LRRC7: variants seen among roughly 807,000 people sequenced by gnomAD.
LRRC7 encodes the protein leucine rich repeat containing 7, also known as leucine-rich repeat-containing protein 7.
LRRC7 carries 23 observed loss-of-function variants against 175.7 expected under a neutral mutation model. The ratio of observed to expected loss-of-function variants is 0.13; its 90% CI spans 0.09 to 0.19. The LOEUF (loss-of-function observed/expected upper bound fraction) is 0.19. Ranked by LOEUF, LRRC7 falls within the 10% of genes least tolerant of loss-of-function variation. The probability of loss-of-function intolerance (pLI) is 1.00; values close to 1 mark genes in which losing one functional copy is unlikely to be tolerated. For synonymous variants in LRRC7, 685 were observed against 680.9 expected, an observed-to-expected ratio of 1.01 and a Z score of -0.09; for missense variants, 1,354 against 1,904.7, an observed-to-expected ratio of 0.71 and a Z score of 5.38.
chr1:70,129,539 G>T lies in LRRC7; in HGVS notation c.*7652G>T, dbSNP rs1455142812. Among the ~76,000 whole-genome samples the T allele has an allele frequency of 6.6e-6, 1 of 152,128 alleles. No homozygotes were observed. The highest frequency in any genetic ancestry group is 2.4e-5 in the African/African-American group (1 of 41,424). On this transcript the variant is annotated 3_prime_UTR_variant, in exon 27 of 27. Coordinates refer to ENST00000651989, the MANE Select transcript of LRRC7 (RefSeq NM_001370785.2). ...TTCAACACTTTAAAAAGTGTGGGGG[G>T]GTTGCTTGAAAAGAGTCTTCTAGGT...
intron 2 of LRRC7, among the ~76,000 whole-genome samples, chr1:69,698,651 C>T (rs1387624608): frequency 6.6e-6 from 1 of 152,184 alleles, no homozygotes; most frequent in Non-Finnish European, 1.5e-5. Context: ...GTATGTATAA[C>T]TGAGAGTTTG....
chr1:69,635,122 A>T (rs949381962), intron 1 of LRRC7, among the ~76,000 whole-genome samples: 3 of 151,710 alleles, frequency 2.0e-5, no homozygotes, highest in Non-Finnish European at 4.4e-5. Flanking sequence ...GTTCCCCTCT[A>T]TGTGTCCTTG....
chr1:70,089,630 C>A (rs1272719115), intron 24 of LRRC7, 97 bp from the exon 25 acceptor site: 7 of 804,564 alleles, frequency 8.7e-6, no homozygotes, highest in East Asian at 5.7e-5. Context: ...CCTAAGAAAC[C>A]AAGTGAAATG....
intron 24 of LRRC7, among the ~76,000 whole-genome samples, chr1:70,086,107 ATTC>A (rs1276898240): frequency 1.3e-5 from 2 of 151,896 alleles, no homozygotes; most frequent in Admixed American, 6.6e-5. Context: ...TTTAGCCTTT[ATTC>A]TTATTTATTT....
chr1:69,838,893 G>A (rs114264237), intron 7 of LRRC7, among the ~76,000 whole-genome samples: 45 of 151,928 alleles, frequency 3.0e-4, no homozygotes, highest in Non-Finnish European at 5.6e-4. Flanking sequence ...GTTTCACCCA[G>A]CTTTGCCTTA....
intron 4 of LRRC7, among the ~76,000 whole-genome samples, chr1:69,812,256 G>A (rs868231487): frequency 1.3e-5 from 2 of 152,090 alleles, no homozygotes; most frequent in East Asian, 1.9e-4. Flanking sequence ...ATATCCCAAC[G>A]TAGTTTAAAT....
At chr1:69,703,846 C>A (rs1038926587) in intron 2 of LRRC7, among the ~76,000 whole-genome samples, 1 of 151,900 alleles carries the variant, frequency 6.6e-6, no homozygotes, top group Non-Finnish European at 1.5e-5. Context: ...GTAGATAGTG[C>A]AGATAATAAT....
intron 7 of LRRC7, among the ~76,000 whole-genome samples, chr1:69,924,968 C>T (rs1426569025): frequency 6.6e-5 from 10 of 152,188 alleles, no homozygotes; most frequent in South Asian, 6.2e-4. Flanking sequence ...TTTTGAGATA[C>T]ATCCCATCAA....
Position 69,568,639 on chromosome 1 carries a change from G to T in LRRC7, c.-1G>T, listed in dbSNP as rs1434153999. 9.6e-6 allele frequency: 13 copies of T among 1,352,124 alleles called. No homozygotes were observed. The highest frequency in any genetic ancestry group is 1.3e-5 in the Non-Finnish European group (13 of 1,016,038). 83.8% of individuals were successfully genotyped at this position (1,352,124 alleles called of 1,614,324 possible). A position where few individuals can be genotyped will look rare whatever the true frequency, so the allele number is the denominator to read the frequency against. The stretch of plus-strand genomic sequence containing the variant: ...CTCATGGGCAGTTTCTCCCGCCGGC[G>T]ATGTGAGTAAGGCACGCTCGCTCCG... On this transcript the variant is annotated splice_region_variant and 5_prime_UTR_variant, in exon 1 of 27. Coordinates refer to ENST00000651989, the MANE Select transcript of LRRC7 (RefSeq NM_001370785.2).
At chr1:70,032,063 C>T (rs1369731014) in intron 18 of LRRC7, among the ~76,000 whole-genome samples, 4 of 152,178 alleles carry the variant, frequency 2.6e-5, no homozygotes, top group African/African-American at 4.8e-5. Context: ...TCCCAAAGTG[C>T]TGGGATTACA....
intron 10 of LRRC7, 108 bp from the exon 11 acceptor site, chr1:69,994,453 A>G: frequency 1.2e-6 from 1 of 825,964 alleles, no homozygotes; most frequent in East Asian, 2.5e-5. Flanking sequence ...AGTTTGGCCA[A>G]TTAGCATGCC....
intron 2 of LRRC7, among the ~76,000 whole-genome samples, chr1:69,693,592 A>C (rs1401892501): frequency 6.8e-6 from 1 of 146,242 alleles, no homozygotes; most frequent in Non-Finnish European, 1.5e-5. Flanking sequence ...ACCCACTCAC[A>C]TTATGCAGGG....
chr1:70,116,546 C>T (rs1223090656), intron 26 of LRRC7, among the ~76,000 whole-genome samples: 7 of 104,888 alleles, frequency 6.7e-5, no homozygotes, highest in East Asian at 2.8e-4. Flanking sequence ...GACTCCATGT[C>T]AAAAAAAAAA....
intron 1 of LRRC7, among the ~76,000 whole-genome samples, chr1:69,663,622 C>A (rs2100542380): frequency 6.6e-6 from 1 of 151,894 alleles, no homozygotes; most frequent in Non-Finnish European, 1.5e-5. Context: ...CCTACCTCTT[C>A]CCCTACACCC....
chr1:70,090,385 T>G (rs767570715), intron 25 of LRRC7, among the ~76,000 whole-genome samples: 52 of 152,068 alleles, frequency 3.4e-4, no homozygotes, highest in Admixed American at 9.8e-4. Context: ...CCTCTCATAC[T>G]TACCCCTGCT....
chr1:69,760,144 G>T (rs1459901467), intron 2 of LRRC7, 47 bp from the exon 3 acceptor site: 2 of 1,587,066 alleles, frequency 1.3e-6, no homozygotes, highest in Non-Finnish European at 1.7e-6. Flanking sequence ...CCTTCCAAGG[G>T]CACTGGATAA....
chr1:69,974,457 A>G (rs1018858631), intron 8 of LRRC7, among the ~76,000 whole-genome samples: 19 of 152,344 alleles, frequency 1.2e-4, no homozygotes, highest in Non-Finnish European at 2.2e-4. Flanking sequence ...CATTTATGAG[A>G]GTGCTCATCT....
chr1:69,691,140 G>T (rs1162216839), intron 2 of LRRC7, among the ~76,000 whole-genome samples: 4 of 152,170 alleles, frequency 2.6e-5, no homozygotes, highest in Non-Finnish European at 1.5e-5. Flanking sequence ...TGGGGAAGCA[G>T]GTCAGAGGGC....
intron 8 of LRRC7, among the ~76,000 whole-genome samples, chr1:69,963,528 A>G (rs12083524): frequency 6.6e-5 from 10 of 152,104 alleles, no homozygotes; most frequent in African/African-American, 2.2e-4. Context: ...TCTTTGGATA[A>G]TGGGAAGACT....
Sources: gnomAD v4.1 joint callset for allele counts (sites outside exome capture counted in the v4.1 genomes callset) on GRCh38, gnomAD v4.1.1 for gene constraint, MANE v1.5 for transcripts, NCBI Gene and HGNC (gene_info 2026-07-23, HGNC 2026-07-21) for gene names.